SAMD4B: variants seen among roughly 807,000 people sequenced by gnomAD.
The protein encoded by SAMD4B is sterile alpha motif domain containing 4B, also known as protein Smaug homolog 2.
Under a neutral mutation model 74.5 loss-of-function variants are expected in SAMD4B, and 5 were observed. The ratio of observed to expected loss-of-function variants is 0.07; its 90% CI spans 0.04 to 0.14. The LOEUF is 0.14. Among genes scored for constraint, SAMD4B ranks in the 10% least tolerant of loss-of-function variants. The pLI is 1.00. For synonymous variants in SAMD4B, 373 were observed against 374.9 expected (o/e 1.00, Z 0.06); for missense variants, 608 against 921.8 (o/e 0.66, Z 4.41).
intron 10 of SAMD4B, 98 bp from the exon 11 acceptor site, chr19:39,380,489 C>A: frequency 7.9e-7 from 1 of 1,265,592 alleles, no homozygotes; most frequent in Non-Finnish European, 1.1e-6. Flanking sequence ...GGTTTATGTT[C>A]TCTCCTACAA....
chr19:39,361,096 G>A (rs1256945079), intron 3 of SAMD4B, among the ~76,000 whole-genome samples: 3 of 152,166 alleles, frequency 2.0e-5, no homozygotes, highest in African/African-American at 7.2e-5. Context: ...GTACTTTCCA[G>A]GTACTTCTTG....
rs758306249 is a variant in SAMD4B, at chr19:39,377,542, A to G, written c.1162A>G (p.Ile388Val). 4.4e-6 allele frequency: 7 copies of G among 1,604,328 alleles called. No individual in the cohort carries two copies. The Admixed American group carries it at 5.1e-5, about 12-fold the overall frequency. ...NALQELQQIIITPIKAYSVLQ... is the reference protein window; with the variant it reads ...NALQELQQIIVTPIKAYSVLQ... Reference sequence around the variant, plus strand: ...TCTGCAGGAGCTGCAGCAGATCATCATCACTCCCATCAAGGCCTACAGTGT... The same window carrying G: ...TCTGCAGGAGCTGCAGCAGATCATCGTCACTCCCATCAAGGCCTACAGTGT... The change falls in exon 8 of 14, where the codon ATC becomes GTC. Residue 388 changes from isoleucine to valine, a missense_variant. By Grantham distance (29) the Ile-to-Val change is conservative. Around this residue, in one of 9 missense-constraint regions of SAMD4B, gnomAD observed 39 missense variants for 125.3 expected, o/e 0.31. Coordinates refer to ENST00000610417, the MANE Select transcript of SAMD4B (RefSeq NM_001384574.2).
At chr19:39,381,782 A>G (rs2078001744) in intron 12 of SAMD4B, among the ~76,000 whole-genome samples, 2 of 152,126 alleles carry the variant, frequency 1.3e-5, no homozygotes, top group South Asian at 4.1e-4. Context: ...AAATACAGAA[A>G]TTATCTGGGC....
At chr19:39,369,191 G>A (rs1439528717) in intron 3 of SAMD4B, 2 of 163,032 alleles carry the variant, frequency 1.2e-5, no homozygotes, top group African/African-American at 4.8e-5. Context: ...AGCTACTTGG[G>A]AGGCTGAGGC....
intron 1 of SAMD4B, among the ~76,000 whole-genome samples, chr19:39,346,255 A>G (rs565326103): frequency 3.7e-4 from 56 of 152,206 alleles, no homozygotes; most frequent in Non-Finnish European, 7.9e-4. Flanking sequence ...TTATTTGGAA[A>G]GACTTCACAG....
At chr19:39,387,252 T>TA (rs1298905021), downstream of SAMD4B, 2 of 393,942 alleles carry the variant, frequency 5.1e-6, no homozygotes, top group South Asian at 3.9e-5. Flanking sequence ...AATACAATAG[T>TA]AAGTATTTGT....
chr19:39,347,216 A>G (rs530634325), intron 1 of SAMD4B, among the ~76,000 whole-genome samples: 360 of 152,290 alleles, frequency 2.4e-3, no homozygotes, highest in Non-Finnish European at 3.7e-3. Context: ...TCTGCTTTGG[A>G]TGACAAATAT....
At chr19:39,364,368 A>G (rs2076828764) in intron 3 of SAMD4B, among the ~76,000 whole-genome samples, 1 of 152,174 alleles carries the variant, frequency 6.6e-6, no homozygotes, top group South Asian at 2.1e-4. Flanking sequence ...CTACTGGAGA[A>G]GAGAGGAAAA....
chr19:39,350,243 ATTC>A (rs1286033495), intron 1 of SAMD4B: 1 of 152,186 alleles, frequency 6.6e-6, no homozygotes, highest in Non-Finnish European at 1.5e-5. Flanking sequence ...GTTTCATTTA[ATTC>A]TTCTAACAAG....
rs961330342 is a variant in SAMD4B, at chr19:39,385,671, G to GA, written c.*2156dup. On this transcript the variant is annotated 3_prime_UTR_variant, in exon 14 of 14. Coordinates refer to ENST00000610417, the MANE Select transcript of SAMD4B (RefSeq NM_001384574.2). ...TGTTTAATGGTCTGGGCTTATTTTG[G>GA]AAAAAAAAAAAACAAACAAAAAAAA... 0.15 allele frequency: 51,419 copies of GA among 341,432 alleles called. 1 individual carries two copies. Among genetic ancestry groups the GA allele is most frequent in the Middle Eastern group, 0.21 (249 of 1,184 alleles). 21.2% of individuals were successfully genotyped at this position (341,432 alleles called of 1,614,324 possible).
At chr19:39,389,789 T>G (rs774697610), downstream of SAMD4B, 9 of 1,613,754 alleles carry the variant, frequency 5.6e-6, no homozygotes, top group South Asian at 8.8e-5. The surrounding 1 kb of genome is among the most constrained non-coding windows in gnomAD (Gnocchi z 5.3). Flanking sequence ...TATTGTGGTG[T>G]TTGGATTCCA....
rs1040187493 is a variant in SAMD4B, at chr19:39,342,450, G to C, written c.-393G>C. ...CGCGGTGACGCAGCGCGACGGCGGC[G>C]GCGGCGGCGGCGGCGGTGGTCGGTG... On this transcript the variant is annotated 5_prime_UTR_variant, in exon 1 of 14. Transcript: ENST00000610417. 3 of 180,952 alleles carry C rather than the reference G, an allele frequency of 1.7e-5. No individual in the cohort carries two copies. The highest frequency in any genetic ancestry group is 3.3e-5 in the Non-Finnish European group (3 of 91,032). The allele number at this position is 180,952 out of a possible 1,614,324, so 11.2% of individuals were successfully genotyped here.
At chr19:39,386,565 C>T (rs372480955), downstream of SAMD4B, 7 of 1,613,988 alleles carry the variant, frequency 4.3e-6, no homozygotes, top group South Asian at 2.2e-5. This position sits in a 1 kb window ranked among gnomAD's most constrained non-coding sequence, Gnocchi z 6.1. Context: ...CTGGGCCTTC[C>T]GTGCCTCCTG....
At chr19:39,364,948 G>T (rs1417846928) in intron 3 of SAMD4B, among the ~76,000 whole-genome samples, 1 of 152,082 alleles carries the variant, frequency 6.6e-6, no homozygotes, top group African/African-American at 2.4e-5. Flanking sequence ...TGGGTAAAAA[G>T]TTCCCCCCTG....
intron 1 of SAMD4B, chr19:39,352,171 C>A (rs968988257): frequency 6.6e-6 from 1 of 152,102 alleles, no homozygotes; most frequent in Admixed American, 6.6e-5. Flanking sequence ...ACAGTGAAAT[C>A]TTAAAAGTAA....
chr19:39,379,072 A>G (rs1314277234), intron 9 of SAMD4B, among the ~76,000 whole-genome samples: 7 of 149,080 alleles, frequency 4.7e-5, no homozygotes, highest in African/African-American at 1.7e-4. Flanking sequence ...TTTTTTTTTA[A>G]TAGAGACGAG....
At chr19:39,346,079 G>A (rs1172478115) in intron 1 of SAMD4B, among the ~76,000 whole-genome samples, 1 of 152,116 alleles carries the variant, frequency 6.6e-6, no homozygotes. Flanking sequence ...ATTTTTTCAA[G>A]GGATTCTGTT....
In SAMD4B at chr19:39,379,949, T is replaced by G; in HGVS notation, c.1531-17T>G. On this transcript the variant is annotated splice_polypyrimidine_tract_variant and intron_variant, in intron 9 of 13. Coordinates refer to ENST00000610417, the MANE Select transcript of SAMD4B (RefSeq NM_001384574.2). ...AGCATCACCCTCTCTGCTTCACCGG[T>G]GTCCTGCCAATTCTAGGCTTTCACG... 1 of 1,599,632 alleles carries G rather than the reference T, an allele frequency of 6.3e-7. No homozygotes were observed. Among genetic ancestry groups the G allele is most frequent in the Non-Finnish European group, 8.6e-7 (1 of 1,167,852 alleles).
chr19:39,349,267 A>G (rs1406983733), intron 1 of SAMD4B, among the ~76,000 whole-genome samples: 1 of 152,208 alleles, frequency 6.6e-6, no homozygotes. Context: ...GATTGAATCT[A>G]CAGGAGTTAA....
Sources: allele counts gnomAD v4.1 joint callset (sites outside exome capture counted in the v4.1 genomes callset), GRCh38; gene constraint gnomAD v4.1.1; regional missense constraint gnomAD v4.1.1; non-coding constraint Gnocchi (gnomAD v3.1); transcripts MANE v1.5; gene names NCBI Gene and HGNC (gene_info 2026-07-23, HGNC 2026-07-21).